NLRP13: variants seen among roughly 807,000 people sequenced by gnomAD.
NLRP13 encodes NLR family pyrin domain containing 13.
Under a neutral mutation model 94.4 loss-of-function variants are expected in NLRP13, and 82 were observed. That is an observed-to-expected ratio of 0.87 (90% CI 0.73 to 1.04). The LOEUF (loss-of-function observed/expected upper bound fraction) is 1.04, where lower values mean the gene tolerates loss of function less well. Among genes scored for constraint, NLRP13 ranks in the 50% least tolerant of loss-of-function variants. The pLI is 0.00. For missense variants in NLRP13, 1,426 were observed against 1,230.8 expected (o/e 1.16, Z -2.37); for synonymous variants, 553 against 464.7 (o/e 1.19, Z -2.45).
downstream of NLRP13, chr19:55,892,157 G>A: frequency 2.4e-6 from 3 of 1,230,098 alleles, no homozygotes; most frequent in Non-Finnish European, 3.0e-6. Flanking sequence ...TAGAAGCAGT[G>A]AAGAAGTTTA....
downstream of NLRP13, among the ~76,000 whole-genome samples, chr19:55,893,162 G>A (rs570838749): frequency 7.2e-5 from 11 of 152,278 alleles, no homozygotes; most frequent in African/African-American, 2.6e-4. Context: ...GCTGAGGCAG[G>A]TGAATTACCT....
At chr19:55,896,249 G>A (rs1986007113) in intron 10 of NLRP13, 130 bp from the exon 11 acceptor site, 2 of 991,752 alleles carry the variant, frequency 2.0e-6, no homozygotes, top group South Asian at 1.6e-5. Context: ...ACTTGGCCAG[G>A]CACAGTGGCT....
intron 1 of NLRP13, among the ~76,000 whole-genome samples, chr19:55,928,098 T>C (rs1987014893): frequency 6.6e-6 from 1 of 152,200 alleles, no homozygotes; most frequent in Non-Finnish European, 1.5e-5. Context: ...GTGAGGTGGA[T>C]GTGGCCCAGG....
chr19:55,914,363 A>T (rs551881351), intron 4 of NLRP13, among the ~76,000 whole-genome samples: 195 of 152,304 alleles, frequency 1.3e-3, no homozygotes, highest in Non-Finnish European at 9.1e-4. Flanking sequence ...AAACCAAGGA[A>T]TGAGATGCCG....
At chr19:55,893,504 T>C (rs1985913422), downstream of NLRP13, among the ~76,000 whole-genome samples, 1 of 152,188 alleles carries the variant, frequency 6.6e-6, no homozygotes, top group Admixed American at 6.5e-5. Flanking sequence ...GGGTAACTTT[T>C]GTTTACCCTT....
At chr19:55,922,842 C>T (rs538190647) in intron 4 of NLRP13, among the ~76,000 whole-genome samples, 9 of 152,190 alleles carry the variant, frequency 5.9e-5, no homozygotes, top group African/African-American at 1.4e-4. Flanking sequence ...AGTAGATAAC[C>T]GATTGGAAAA....
In NLRP13 at chr19:55,913,294, C is replaced by A; in HGVS notation, c.524-1G>T. On this transcript the variant is annotated splice_acceptor_variant, in intron 4 of 10. Coordinates refer to ENST00000342929, the MANE Select transcript of NLRP13 (RefSeq NM_176810.2). LOFTEE classifies it high-confidence loss of function. ...TTCTCTCTGTATTTTCTTCTGTGGT[C>A]TAGAGAGGGCGGAGTGGGGAGAAGA... 1 of 1,611,680 alleles carries A rather than the reference C, an allele frequency of 6.2e-7. No individual in the cohort carries two copies. Among genetic ancestry groups the A allele is most frequent in the South Asian group, 1.1e-5 (1 of 90,900 alleles).
At chr19:55,897,731 A>G (rs1159107799) in intron 10 of NLRP13, among the ~76,000 whole-genome samples, 1 of 152,202 alleles carries the variant, frequency 6.6e-6, no homozygotes, top group African/African-American at 2.4e-5. Context: ...TTATGTTTAA[A>G]CCAATAATTT....
At chr19:55,892,669 C>T (rs1400461434), downstream of NLRP13, among the ~76,000 whole-genome samples, 1 of 152,156 alleles carries the variant, frequency 6.6e-6, no homozygotes, top group Non-Finnish European at 1.5e-5. Context: ...GATCTGCCCA[C>T]CTCGGCCTCC....
intron 8 of NLRP13, among the ~76,000 whole-genome samples, chr19:55,904,580 T>G (rs1158445220): frequency 2.0e-5 from 3 of 152,214 alleles, no homozygotes; most frequent in Non-Finnish European, 4.4e-5. Context: ...TGTTTTGTTT[T>G]TATATGTCAC....
chr19:55,904,321 C>T (rs1193806441), intron 8 of NLRP13, among the ~76,000 whole-genome samples: 2 of 152,098 alleles, frequency 1.3e-5, no homozygotes, highest in East Asian at 3.9e-4. Flanking sequence ...AATTCCTGAC[C>T]TCGTGATCTG....
chr19:55,895,608 G>A (rs756426140), downstream of NLRP13, among the ~76,000 whole-genome samples: 17 of 150,834 alleles, frequency 1.1e-4, no homozygotes, highest in Non-Finnish European at 2.2e-4. Flanking sequence ...GCTTAAACCC[G>A]GGAGGTGGAG....
In NLRP13 at chr19:55,907,819, T is replaced by A. The variant is rs774783816; in HGVS notation, c.2420A>T (p.His807Leu). The A allele has an allele frequency of 5.6e-6, 9 of 1,613,650 alleles. No individual in the cohort carries two copies. Among genetic ancestry groups the A allele is most frequent in the African/African-American group, 1.3e-5 (1 of 74,848 alleles). Residue 807 changes from histidine to leucine, a missense_variant, in exon 7 of 11, where the codon CAC (histidine) becomes CTC (leucine). His to Leu is a moderately conservative substitution (Grantham distance 99). Coordinates refer to ENST00000342929, the MANE Select transcript of NLRP13 (RefSeq NM_176810.2). ...CAGATACTTGAGGTTGCAAGCTGAG[T>A]GTCTCAAAGCTTTAAGAATCAGGGG... ...TVPLILKALR[H>L]SACNLKYLCL...
rs769436110 is a variant in NLRP13 at position 55,898,910 on chromosome 19, C to G, written c.2817G>C (p.Glu939Asp). Residue 939 changes from glutamate to aspartate, a missense_variant, in exon 10 of 11, where the codon GAG becomes GAC. Physicochemically the swap from Glu to Asp is conservative, Grantham distance 45 (BLOSUM62 2). Coordinates refer to ENST00000342929, the MANE Select transcript of NLRP13 (RefSeq NM_176810.2). ...LNLSGCSFTR[E>D]GCGELANALS... is the part of the protein sequence containing the mutation. ...GGGCATTAGCCAGCTCTCCACAGCC[C>G]TCTCTTGTGAAAGAACAACCTGACA... 5 of 1,604,480 alleles carry G rather than the reference C, an allele frequency of 3.1e-6. No homozygotes were observed. The highest frequency in any genetic ancestry group is 1.1e-5 in the South Asian group (1 of 88,916).
intron 4 of NLRP13, among the ~76,000 whole-genome samples, chr19:55,922,686 C>T (rs1986861110): frequency 1.3e-5 from 2 of 152,186 alleles, no homozygotes; most frequent in Admixed American, 1.3e-4. Flanking sequence ...TAGGAAACTA[C>T]TGTAGCATAC....
chr19:55,913,466 C>A (rs918621672), intron 4 of NLRP13, among the ~76,000 whole-genome samples, 173 bp from the exon 5 acceptor site: 4 of 139,018 alleles, frequency 2.9e-5, no homozygotes, highest in Admixed American at 1.5e-4. Context: ...AGGAGAATGG[C>A]GTGAACCCGG....
At chr19:55,919,450 A>G (rs925970191) in intron 4 of NLRP13, among the ~76,000 whole-genome samples, 1 of 151,874 alleles carries the variant, frequency 6.6e-6, no homozygotes. Flanking sequence ...ATATGATCTT[A>G]TATCTAGAAA....
chr19:55,905,900 A>G (rs1291013918), intron 7 of NLRP13, among the ~76,000 whole-genome samples: 1 of 152,214 alleles, frequency 6.6e-6, no homozygotes, highest in Non-Finnish European at 1.5e-5. Context: ...GTTTCAACTA[A>G]TTTAATAGAA....
intron 4 of NLRP13, among the ~76,000 whole-genome samples, chr19:55,919,305 T>A (rs890236629): frequency 1.3e-5 from 2 of 152,066 alleles, no homozygotes; most frequent in African/African-American, 2.4e-5. Flanking sequence ...CCCCAAGAAC[T>A]GGAACAAGAC....
Sources: allele counts gnomAD v4.1 joint callset (sites outside exome capture counted in the v4.1 genomes callset), GRCh38; gene constraint gnomAD v4.1.1; transcripts MANE v1.5; gene names NCBI Gene and HGNC (gene_info 2026-07-23, HGNC 2026-07-21).